Variants in TCF20 observed in about 807,000 individuals in gnomAD.
TCF20 encodes SPRE-binding protein.
In TCF20, 3 loss-of-function variants were observed where a neutral mutation model predicts 148.6. That is an observed-to-expected ratio of 0.02 (90% confidence interval 0.01 to 0.05). TCF20 has a LOEUF of 0.05. TCF20 is among the 10% of genes least tolerant of loss of function. TCF20 has a pLI of 1.00. For synonymous variants in TCF20, 1,049 were observed against 909.5 expected (o/e 1.15, Z -2.76); for missense variants, 2,350 against 2,429.3 (o/e 0.97, Z 0.69).
intron 5 of TCF20, among the ~76,000 whole-genome samples, chr22:42,162,437 TCTC>T (rs1401213634): frequency 6.6e-6 from 1 of 152,154 alleles, no homozygotes; most frequent in African/African-American, 2.4e-5. Context: ...GGAGGGCTTC[TCTC>T]CTCTTCCAGC....
chr22:42,294,189 CG>C (rs1260900220), intron 1 of TCF20, among the ~76,000 whole-genome samples: 1 of 152,096 alleles, frequency 6.6e-6, no homozygotes, highest in African/African-American at 2.4e-5. Context: ...CGCTCCACCC[CG>C]GTCACATCCT....
intron 1 of TCF20, among the ~76,000 whole-genome samples, chr22:42,242,802 A>C (rs530080645): frequency 3.9e-5 from 6 of 152,098 alleles, no homozygotes; most frequent in Admixed American, 3.9e-4. Flanking sequence ...CAGGAGAATC[A>C]CTTGAACCCA....
At chr22:42,322,893 G>GTT (rs59623451) in intron 1 of TCF20, among the ~76,000 whole-genome samples, 2,316 of 147,402 alleles carry the variant, frequency 0.016, 63 homozygotes, top group African/African-American at 0.054. Flanking sequence ...TCATTTTCTG[G>GTT]TTTTTTTTTT....
intron 2 of TCF20, among the ~76,000 whole-genome samples, chr22:42,196,646 TCAAAGTCTG>T (rs1314320453): frequency 1.3e-5 from 2 of 152,206 alleles, no homozygotes; most frequent in Non-Finnish European, 2.9e-5. Context: ...ATCACAGCTT[TCAAAGTCTG>T]GAACCACATG....
At chr22:42,205,580 T>C (rs1229498114) in intron 2 of TCF20, among the ~76,000 whole-genome samples, 1 of 152,174 alleles carries the variant, frequency 6.6e-6, no homozygotes, top group East Asian at 1.9e-4. Context: ...CCTAGTAAGA[T>C]AAAACTAGAC....
intron 1 of TCF20, among the ~76,000 whole-genome samples, chr22:42,298,727 T>C (rs1309306507): frequency 2.0e-5 from 3 of 152,236 alleles, no homozygotes; most frequent in Non-Finnish European, 4.4e-5. Context: ...TTCATCTATC[T>C]CTGCACTTGC....
At chr22:42,170,995 C>CTTCA (rs1936100809) in intron 3 of TCF20, among the ~76,000 whole-genome samples, 1 of 152,142 alleles carries the variant, frequency 6.6e-6, no homozygotes, top group South Asian at 2.1e-4. Context: ...ACACTAAATG[C>CTTCA]TTCAGAGGAA....
chr22:42,188,961 G>T (rs960025490), intron 2 of TCF20, among the ~76,000 whole-genome samples: 1 of 152,182 alleles, frequency 6.6e-6, no homozygotes, highest in African/African-American at 2.4e-5. Context: ...AAGCATTCTT[G>T]AGGGAGTGTA....
intron 1 of TCF20, among the ~76,000 whole-genome samples, chr22:42,263,529 C>T (rs184137942): frequency 1.3e-4 from 20 of 152,238 alleles, no homozygotes; most frequent in Admixed American, 7.8e-4. Context: ...TTTTAGCCAC[C>T]TATCAGGAGT....
chr22:42,214,330 G>C lies in TCF20; in HGVS notation c.976C>G (p.Gln326Glu), dbSNP rs199593552. The C allele has an allele frequency of 1.2e-6, 2 of 1,614,250 alleles. No individual in the cohort carries two copies. The highest frequency in any genetic ancestry group is 1.7e-5 in the Admixed American group (1 of 60,028). ...QQPQQQQHPS[Q>E]HVMQYTNAAT... ...GCGTTAGTATACTGCATCACATGCT[G>C]AGAAGGGTGTTGTTGTTGCTGCGGT... Residue 326 changes from glutamine (Q) to glutamate (E), a missense_variant, in exon 2 of 6, where the codon CAG becomes GAG. Gln to Glu is a conservative substitution (Grantham distance 29). Around this residue, in one of 7 missense-constraint regions of TCF20, gnomAD observed 1,641 missense variants for 1,662.6 expected, o/e 0.99. Coordinates refer to ENST00000677622, the MANE Select transcript of TCF20 (RefSeq NM_001378418.1).
intron 1 of TCF20, among the ~76,000 whole-genome samples, chr22:42,225,216 G>C (rs2147259471): frequency 6.6e-6 from 1 of 152,090 alleles, no homozygotes; most frequent in African/African-American, 2.4e-5. Flanking sequence ...GGCTGGTCTT[G>C]AACTCCTGAC....
In TCF20 at chr22:42,160,653, CCATA is replaced by C. The variant is rs1358996887; in HGVS notation, c.*746_*749del. The C allele has an allele frequency of 1.3e-5, 2 of 150,610 alleles. No homozygotes were observed. The highest frequency in any genetic ancestry group is 2.9e-5 in the Non-Finnish European group (2 of 67,856). 9.3% of individuals were successfully genotyped at this position (150,610 alleles called of 1,614,324 possible). A position where few individuals can be genotyped will look rare whatever the true frequency, so the allele number is the denominator to read the frequency against. ...AAAAGAAAAAATTAAAAAAAAAAAA[CCATA>C]AATAAATAGTGTTTCTGGAAATGAA... On this transcript the variant is annotated 3_prime_UTR_variant, in exon 6 of 6. Coordinates refer to ENST00000677622, the MANE Select transcript of TCF20 (RefSeq NM_001378418.1).
intron 2 of TCF20, among the ~76,000 whole-genome samples, chr22:42,204,219 G>A (rs993389656): frequency 1.3e-5 from 2 of 152,218 alleles, no homozygotes; most frequent in Non-Finnish European, 2.9e-5. Flanking sequence ...AACTGGCCAG[G>A]TGCAGTGGCT....
upstream of TCF20, among the ~76,000 whole-genome samples, chr22:42,284,615 C>A (rs925969667): frequency 6.6e-5 from 10 of 152,186 alleles, no homozygotes; most frequent in Admixed American, 1.3e-4. Context: ...CTGGAGTGAG[C>A]CCTGGCTGCC....
At chr22:42,273,275 G>A (rs543532756), upstream of TCF20, among the ~76,000 whole-genome samples, 2 of 144,658 alleles carry the variant, frequency 1.4e-5, no homozygotes, top group African/African-American at 5.1e-5. Flanking sequence ...CAGGAGAATC[G>A]CCTGAACCCT....
At chr22:42,177,112 T>C (rs1229251198) in intron 3 of TCF20, among the ~76,000 whole-genome samples, 1 of 152,130 alleles carries the variant, frequency 6.6e-6, no homozygotes, top group Non-Finnish European at 1.5e-5. Flanking sequence ...ACAATTACTG[T>C]CCATTAAAAA....
At chr22:42,336,111 A>C (rs1458250518) in intron 1 of TCF20, among the ~76,000 whole-genome samples, 1 of 152,180 alleles carries the variant, frequency 6.6e-6, no homozygotes, top group Non-Finnish European at 1.5e-5. Flanking sequence ...GGTTGGGTGA[A>C]CTCCTCATTG....
intron 1 of TCF20, among the ~76,000 whole-genome samples, chr22:42,264,944 T>C (rs1397828257): frequency 6.6e-6 from 1 of 152,224 alleles, no homozygotes; most frequent in Non-Finnish European, 1.5e-5. Context: ...TATCAAATGT[T>C]CCAATGAATT....
chr22:42,325,390 G>C (rs748414433), intron 1 of TCF20, among the ~76,000 whole-genome samples: 13 of 152,042 alleles, frequency 8.6e-5, no homozygotes, highest in Non-Finnish European at 1.3e-4. Flanking sequence ...CACCTCAACA[G>C]GTGGGGCCCT....
Sources: allele counts gnomAD v4.1 joint callset (sites outside exome capture counted in the v4.1 genomes callset), GRCh38; gene constraint gnomAD v4.1.1; regional missense constraint gnomAD v4.1.1; transcripts MANE v1.5; gene names NCBI Gene and HGNC (gene_info 2026-07-23, HGNC 2026-07-21).